TSGA10: variants seen among roughly 807,000 people sequenced by gnomAD.
TSGA10 encodes the protein testis-specific gene 10 protein.
In TSGA10, 43 loss-of-function variants were observed where a neutral mutation model predicts 96.6. The ratio of observed to expected loss-of-function variants is 0.44; its 90% confidence interval spans 0.35 to 0.57. The LOEUF (loss-of-function observed/expected upper bound fraction) is 0.57. TSGA10 is among the 20% of genes least tolerant of loss of function. TSGA10 has a pLI of 0.01. For synonymous variants in TSGA10, 229 were observed against 269.9 expected (o/e 0.85, Z 1.48); for missense variants, 703 against 834.4 (o/e 0.84, Z 1.94).
intron 16 of TSGA10, among the ~76,000 whole-genome samples, chr2:99,035,811 T>C (rs920033078): frequency 4.6e-5 from 7 of 152,254 alleles, no homozygotes; most frequent in Admixed American, 4.6e-4. Context: ...GCTATTGTTG[T>C]TGTTAAAAAC....
intron 14 of TSGA10, among the ~76,000 whole-genome samples, chr2:99,069,635 CAATAAATA>C (rs3069288): frequency 4.3e-4 from 62 of 145,838 alleles, no homozygotes; most frequent in Admixed American, 1.7e-3. Flanking sequence ...CCCAACTCTA[CAATAAATA>C]AATAAATAAA....
intron 1 of TSGA10, among the ~76,000 whole-genome samples, chr2:99,152,465 T>A (rs1216566102): frequency 1.3e-5 from 2 of 152,190 alleles, no homozygotes; most frequent in Non-Finnish European, 2.9e-5. Flanking sequence ...TTTGTATTTT[T>A]TTAGAGACAG....
chr2:99,021,415 A>G (rs902971826), intron 17 of TSGA10, among the ~76,000 whole-genome samples: 1 of 152,220 alleles, frequency 6.6e-6, no homozygotes, highest in Non-Finnish European at 1.5e-5. Context: ...CTACTAACAT[A>G]AAGAACGCAT....
At chr2:99,069,103 C>G (rs1039189169) in intron 14 of TSGA10, 105 bp from the exon 15 acceptor site, 2 of 481,102 alleles carry the variant, frequency 4.2e-6, no homozygotes, top group African/African-American at 4.1e-5. Context: ...ATAAAATTAA[C>G]ATACCTAATA....
chr2:99,131,826 T>C (rs970467645), intron 1 of TSGA10, among the ~76,000 whole-genome samples: 2 of 152,176 alleles, frequency 1.3e-5, no homozygotes, highest in Non-Finnish European at 2.9e-5. Context: ...GTTTTTAGCA[T>C]GAAGGGGTGT....
At chr2:99,087,558 C>T (rs866980470) in intron 10 of TSGA10, among the ~76,000 whole-genome samples, 1 of 152,012 alleles carries the variant, frequency 6.6e-6, no homozygotes. Context: ...CATGGTAGCG[C>T]ATACCTTTAC....
intron 2 of TSGA10, chr2:99,126,283 T>C (rs543641896): frequency 1.3e-5 from 2 of 152,414 alleles, no homozygotes; most frequent in African/African-American, 4.8e-5. Flanking sequence ...CTCTTAAAAG[T>C]TGTCTGCCTT....
At chr2:99,054,589 A>C (rs2083770402) in intron 16 of TSGA10, among the ~76,000 whole-genome samples, 1 of 152,176 alleles carries the variant, frequency 6.6e-6, no homozygotes, top group Non-Finnish European at 1.5e-5. Flanking sequence ...AATGGGAAAA[A>C]ATTTGTAAAC....
intron 10 of TSGA10, among the ~76,000 whole-genome samples, chr2:99,091,833 A>G (rs1184042341): frequency 2.0e-5 from 3 of 152,192 alleles, no homozygotes; most frequent in Non-Finnish European, 4.4e-5. Context: ...GGGGACTTCA[A>G]TACTCCACTG....
intron 20 of TSGA10, among the ~76,000 whole-genome samples, chr2:99,016,816 A>G (rs2079551166): frequency 6.6e-6 from 1 of 152,132 alleles, no homozygotes; most frequent in African/African-American, 2.4e-5. Flanking sequence ...AACAAAACAT[A>G]ATCCCATCAA....
chr2:99,043,860 A>G (rs1009785769), intron 16 of TSGA10, among the ~76,000 whole-genome samples: 1 of 152,192 alleles, frequency 6.6e-6, no homozygotes, highest in Non-Finnish European at 1.5e-5. Context: ...GCCAGAAGAG[A>G]GTGGGAGCCA....
chr2:99,147,421 C>T (rs548415869), intron 1 of TSGA10: 2 of 1,594,542 alleles, frequency 1.3e-6, no homozygotes, highest in Non-Finnish European at 1.7e-6. Context: ...TGAATGGCAA[C>T]CTAAATGCCA....
chr2:99,113,641 G>T (rs930094986), intron 4 of TSGA10, among the ~76,000 whole-genome samples: 2 of 152,172 alleles, frequency 1.3e-5, no homozygotes, highest in African/African-American at 2.4e-5. Context: ...TGCCTCCCGG[G>T]ATCAAGCAAT....
chr2:99,117,614 A>C lies in TSGA10; in HGVS notation c.-210T>G, dbSNP rs2092347961. On this transcript the variant is annotated 5_prime_UTR_variant, in exon 4 of 21. Coordinates refer to ENST00000393483, the MANE Select transcript of TSGA10 (RefSeq NM_025244.4). ...TTTCTCTTTTTCGAGTTGCTCTGCT[A>C]GTTGGTCAATTTTAATCAATTCTTT... 1.0e-6 allele frequency: 1 copy of C among 985,820 alleles called. No individual in the cohort carries two copies. Among genetic ancestry groups the C allele is most frequent in the Non-Finnish European group, 1.2e-6 (1 of 829,918 alleles). 61.1% of individuals were successfully genotyped at this position (985,820 alleles called of 1,614,324 possible). A position where few individuals can be genotyped will look rare whatever the true frequency, so the allele number is the denominator to read the frequency against.
chr2:99,066,933 C>T (rs1218598572), intron 15 of TSGA10, among the ~76,000 whole-genome samples: 2 of 152,186 alleles, frequency 1.3e-5, no homozygotes, highest in Non-Finnish European at 2.9e-5. Context: ...TCTAACTGCT[C>T]TCTCCACTTC....
intron 17 of TSGA10, among the ~76,000 whole-genome samples, chr2:99,022,381 A>C (rs1334667833): frequency 6.7e-6 from 1 of 149,800 alleles, no homozygotes; most frequent in Non-Finnish European, 1.5e-5. Context: ...CTCTGGCCCT[A>C]GGCAACCCCT....
intron 12 of TSGA10, among the ~76,000 whole-genome samples, chr2:99,074,856 G>T (rs1432636462): frequency 2.0e-5 from 3 of 151,926 alleles, no homozygotes; most frequent in Non-Finnish European, 4.4e-5. Flanking sequence ...CTACTCAGGA[G>T]ACTGAGGCAG....
intron 2 of TSGA10, among the ~76,000 whole-genome samples, chr2:99,124,041 T>C (rs1427645733): frequency 1.3e-5 from 2 of 152,274 alleles, no homozygotes; most frequent in Non-Finnish European, 2.9e-5. Context: ...TTTAAAATTT[T>C]GAGAAACCAT....
intron 10 of TSGA10, among the ~76,000 whole-genome samples, chr2:99,081,764 T>C (rs1351520996): frequency 6.6e-6 from 1 of 151,894 alleles, no homozygotes; most frequent in Non-Finnish European, 1.5e-5. Context: ...GCCATAGAGA[T>C]GTCTGCAACA....
Sources: gnomAD v4.1 joint callset for allele counts (sites outside exome capture counted in the v4.1 genomes callset) on GRCh38, gnomAD v4.1.1 for gene constraint, MANE v1.5 for transcripts, NCBI Gene and HGNC (gene_info 2026-07-23, HGNC 2026-07-21) for gene names.